Variants in THSD7B observed in about 807,000 individuals in gnomAD.
The protein encoded by THSD7B is thrombospondin type-1 domain-containing protein 7B.
THSD7B carries 138 observed loss-of-function variants against 213.6 expected under a neutral mutation model. The observed-to-expected ratio is 0.65, with a 90% CI of 0.56 to 0.74. The LOEUF (loss-of-function observed/expected upper bound fraction) is 0.74, where lower values mean the gene tolerates loss of function less well. THSD7B is among the 30% of genes least tolerant of loss of function. The pLI, the probability that THSD7B is intolerant of heterozygous loss-of-function variation, is 0.00. For missense variants in THSD7B, 1,931 were observed against 1,991.5 expected (o/e 0.97, Z 0.58); for synonymous variants, 742 against 687.0 (o/e 1.08, Z -1.25).
intron 2 of THSD7B, among the ~76,000 whole-genome samples, chr2:137,018,716 A>G (rs1201185476): frequency 6.6e-6 from 1 of 152,214 alleles, no homozygotes; most frequent in African/African-American, 2.4e-5. Context: ...GTGAGATGGC[A>G]TAGTATTGAC....
At chr2:137,092,984 C>A (rs1032826620) in intron 3 of THSD7B, among the ~76,000 whole-genome samples, 9 of 152,214 alleles carry the variant, frequency 5.9e-5, no homozygotes, top group African/African-American at 2.2e-4. Context: ...TTACCAAAAT[C>A]TCTCTGTCAG....
intron 15 of THSD7B, among the ~76,000 whole-genome samples, chr2:137,530,582 C>T (rs529813361): frequency 9.2e-5 from 14 of 152,002 alleles, no homozygotes; most frequent in Admixed American, 7.9e-4. Flanking sequence ...CAGCCTGTCT[C>T]GTTTAGAGAG....
chr2:136,836,739 C>T (rs1682849634), intron 1 of THSD7B, among the ~76,000 whole-genome samples: 1 of 152,294 alleles, frequency 6.6e-6, no homozygotes, highest in South Asian at 2.1e-4. Flanking sequence ...TTTCTAGTCT[C>T]AGTAACTCCT....
intron 1 of THSD7B, among the ~76,000 whole-genome samples, chr2:136,798,329 C>T (rs1214255789): frequency 1.3e-5 from 2 of 151,816 alleles, no homozygotes; most frequent in African/African-American, 4.8e-5. Flanking sequence ...GGGAACAATT[C>T]CTTGAAAACT....
At chr2:137,421,071 A>T (rs1558791879) in intron 14 of THSD7B, among the ~76,000 whole-genome samples, 1 of 152,210 alleles carries the variant, frequency 6.6e-6, no homozygotes, top group South Asian at 2.1e-4. Context: ...ACTTACGACT[A>T]CCTGACCTGT....
intron 3 of THSD7B, among the ~76,000 whole-genome samples, chr2:137,069,614 A>G (rs1390448908): frequency 3.3e-5 from 5 of 152,002 alleles, no homozygotes; most frequent in African/African-American, 1.2e-4. Context: ...ACTGAAGGAT[A>G]ATAAATTTTA....
intron 20 of THSD7B, among the ~76,000 whole-genome samples, chr2:137,641,892 T>C (rs945880857): frequency 6.6e-6 from 1 of 152,180 alleles, no homozygotes; most frequent in African/African-American, 2.4e-5. Context: ...AAATTGTCTG[T>C]TTTGAATTAA....
In THSD7B at chr2:136,919,019, A is replaced by G. The variant is rs1400153849; in HGVS notation, c.139+36702A>G. On this transcript the variant is annotated intron_variant, in intron 2 of 27. Transcript: ENST00000409968. ...TCAGATCCTCCTTGTCATGCACTCA[A>G]TTTAGAACTCCTTTAACAAGTGGTC... 2.0e-5 allele frequency among the ~76,000 whole-genome samples: 3 copies of G among 152,292 alleles called. No individual in the cohort carries two copies. In the East Asian group the frequency reaches 5.8e-4, roughly 29 times the overall value.
intron 17 of THSD7B, among the ~76,000 whole-genome samples, chr2:137,579,979 GTGGTA>G (rs1365178200): frequency 2.6e-5 from 4 of 151,874 alleles, no homozygotes; most frequent in African/African-American, 7.3e-5. Flanking sequence ...AACACAATTT[GTGGTA>G]TCTTCTGTCA....
chr2:137,555,338 G>T (rs572897392), intron 15 of THSD7B, among the ~76,000 whole-genome samples: 35 of 152,298 alleles, frequency 2.3e-4, no homozygotes, highest in Non-Finnish European at 4.6e-4. Flanking sequence ...ACCCCTCTGA[G>T]ATGAAACCTC....
intron 7 of THSD7B, among the ~76,000 whole-genome samples, chr2:137,222,603 C>G (rs1407859833): frequency 1.3e-5 from 2 of 152,148 alleles, no homozygotes; most frequent in African/African-American, 4.8e-5. Context: ...GAAACCCTCC[C>G]CCTGTTGATT....
At chr2:137,272,822 A>C (rs12613368) in intron 11 of THSD7B, among the ~76,000 whole-genome samples, 160 bp downstream of exon 11, 2 of 152,014 alleles carry the variant, frequency 1.3e-5, no homozygotes, top group East Asian at 3.9e-4. Flanking sequence ...TATCTGGAAC[A>C]TATTTGGGAG....
intron 5 of THSD7B, among the ~76,000 whole-genome samples, chr2:137,132,827 A>C (rs528361076): frequency 4.6e-5 from 7 of 152,252 alleles, no homozygotes; most frequent in African/African-American, 1.7e-4. Context: ...CTTGTATTCA[A>C]CTGCCTCTTG....
At chr2:137,218,782 G>A (rs1681303913) in intron 7 of THSD7B, among the ~76,000 whole-genome samples, 2 of 151,944 alleles carry the variant, frequency 1.3e-5, no homozygotes, top group African/African-American at 2.4e-5. Context: ...TTTTCTGATT[G>A]TTATCTTTCC....
intron 12 of THSD7B, among the ~76,000 whole-genome samples, chr2:137,400,479 A>G (rs74983836): frequency 0.023 from 3,546 of 152,184 alleles, 146 homozygotes; most frequent in African/African-American, 0.081. Context: ...CAAAGACTCT[A>G]TGATTTCCCT....
intron 2 of THSD7B, among the ~76,000 whole-genome samples, chr2:137,001,065 T>G (rs1685990051): frequency 6.6e-6 from 1 of 151,986 alleles, no homozygotes; most frequent in Admixed American, 6.6e-5. Flanking sequence ...AGAGCATGTG[T>G]TCTATTATAT....
intron 7 of THSD7B, among the ~76,000 whole-genome samples, chr2:137,226,982 A>G (rs1289213402): frequency 6.6e-6 from 1 of 152,212 alleles, no homozygotes; most frequent in Non-Finnish European, 1.5e-5. Context: ...GCCAGATGCA[A>G]AAGATCACAA....
intron 2 of THSD7B, among the ~76,000 whole-genome samples, chr2:137,013,709 C>T (rs4954460): frequency 0.07 from 10,670 of 152,028 alleles, 771 homozygotes; most frequent in East Asian, 0.22. Flanking sequence ...TCTTTAAAAC[C>T]CATCCTCCAC....
At chr2:137,188,969 C>T (rs935766522) in intron 7 of THSD7B, among the ~76,000 whole-genome samples, 12 of 152,160 alleles carry the variant, frequency 7.9e-5, no homozygotes, top group Non-Finnish European at 1.3e-4. Flanking sequence ...CCCCATTGTC[C>T]TGCTGTCATT....
Sources: allele counts gnomAD v4.1 joint callset (sites outside exome capture counted in the v4.1 genomes callset), GRCh38; gene constraint gnomAD v4.1.1; transcripts MANE v1.5; gene names NCBI Gene and HGNC (gene_info 2026-07-23, HGNC 2026-07-21).